The following GLT6D1 variants were observed in gnomAD, a reference collection of about 807,000 sequenced individuals.
The protein encoded by GLT6D1 is putative glycosyltransferase 6 domain-containing protein 1.
In GLT6D1, 9 loss-of-function variants were observed where a neutral mutation model predicts 12.3. The observed-to-expected ratio is 0.73, with a 90% CI of 0.44 to 1.27. The LOEUF (loss-of-function observed/expected upper bound fraction) is 1.27, where lower values mean the gene tolerates loss of function less well. GLT6D1 is among the 50% of genes most tolerant of loss of function. The pLI is 0.00. For missense variants in GLT6D1, 335 were observed against 346.2 expected, an observed-to-expected ratio of 0.97 and a Z score of 0.26; for synonymous variants, 128 against 132.3, an observed-to-expected ratio of 0.97 and a Z score of 0.23.
upstream of GLT6D1, among the ~76,000 whole-genome samples, chr9:135,640,706 C>T (rs1189661575): frequency 6.7e-6 from 1 of 149,320 alleles, no homozygotes; most frequent in Non-Finnish European, 1.5e-5. Context: ...GGTGACAGAG[C>T]AAGACTCCAT....
chr9:135,629,794 G>A (rs1833596425), intron 3 of GLT6D1, among the ~76,000 whole-genome samples: 1 of 152,028 alleles, frequency 6.6e-6, no homozygotes, highest in East Asian at 1.9e-4. Flanking sequence ...TTATATATTT[G>A]ATGTATCTTA....
chr9:135,639,856 T>C (rs1833856250), upstream of GLT6D1, among the ~76,000 whole-genome samples: 1 of 151,608 alleles, frequency 6.6e-6, no homozygotes, highest in South Asian at 2.1e-4. Context: ...TTTTTTTTTT[T>C]TTTTTGAGAT....
chr9:135,636,933 A>G (rs1833788802), intron 2 of GLT6D1, among the ~76,000 whole-genome samples: 2 of 151,860 alleles, frequency 1.3e-5, no homozygotes, highest in Admixed American at 6.6e-5. Flanking sequence ...GCTCACCGCA[A>G]CCTCTGCCTC....
At chr9:135,637,623 T>C (rs1193548795) in intron 2 of GLT6D1, among the ~76,000 whole-genome samples, 1 of 152,186 alleles carries the variant, frequency 6.6e-6, no homozygotes, top group African/African-American at 2.4e-5. Context: ...CTTGTTTTCG[T>C]TGCAATTTCC....
At chr9:135,637,656 T>C (rs1187424953) in intron 2 of GLT6D1, among the ~76,000 whole-genome samples, 3 of 152,220 alleles carry the variant, frequency 2.0e-5, no homozygotes, top group Admixed American at 2.0e-4. Context: ...AGACTGAGCA[T>C]CTTGGCGTTC....
At chr9:135,638,677 T>C (rs1833831521) in intron 2 of GLT6D1, among the ~76,000 whole-genome samples, 1 of 152,182 alleles carries the variant, frequency 6.6e-6, no homozygotes, top group South Asian at 2.1e-4. Flanking sequence ...GAATACAGCC[T>C]GGCACCTAGA....
chr9:135,624,160 A>G lies in GLT6D1; in HGVS notation c.768T>C (p.Asn256=). The G allele has an allele frequency of 1.2e-6, 2 of 1,613,734 alleles. No individual in the cohort carries two copies. The highest frequency in any genetic ancestry group is 1.7e-6 in the Non-Finnish European group (2 of 1,179,890). The part of the protein sequence containing the change: ...YLNGVIHDIK[N]GLNSTYEKHL... ...GCTTTTCATAAGTGCTATTGAGTCC[A>G]TTTTTGATGTCATGAATAACTCCGT... Residue 256 remains asparagine (N), a synonymous_variant, in exon 5 of 5, where the codon AAT becomes AAC. Coordinates refer to ENST00000371763, the MANE Select transcript of GLT6D1 (RefSeq NM_182974.3).
intron 2 of GLT6D1, 102 bp downstream of exon 2, chr9:135,639,015 G>C: frequency 1.5e-6 from 1 of 665,832 alleles, no homozygotes; most frequent in South Asian, 2.1e-5. Context: ...CTGGGCAACA[G>C]AGTAAGACCC....
intron 3 of GLT6D1, among the ~76,000 whole-genome samples, chr9:135,630,980 TA>T (rs11414887): frequency 2.6e-4 from 39 of 147,760 alleles, no homozygotes; most frequent in African/African-American, 4.7e-4. Context: ...TATATCTGTG[TA>T]AAAAAAAAAA....
At chr9:135,629,367 T>G (rs1244573604) in intron 3 of GLT6D1, among the ~76,000 whole-genome samples, 1 of 152,216 alleles carries the variant, frequency 6.6e-6, no homozygotes, top group East Asian at 1.9e-4. Context: ...TGATTCTTTT[T>G]TGATTATTTA....
intron 2 of GLT6D1, among the ~76,000 whole-genome samples, chr9:135,636,866 T>TG (rs1198682214): frequency 6.6e-6 from 1 of 152,136 alleles, no homozygotes; most frequent in Non-Finnish European, 1.5e-5. Context: ...TTCTTTTTTT[T>TG]GGGGGGATGG....
chr9:135,631,461 T>C lies in GLT6D1; in HGVS notation c.89A>G (p.Glu30Gly). The change falls in exon 3 of 5, where the codon GAA becomes GGA. Residue 30 changes from glutamate to glycine, a missense_variant. Physicochemically the swap from Glu to Gly is moderately conservative, Grantham distance 98. Coordinates refer to ENST00000371763, the MANE Select transcript of GLT6D1 (RefSeq NM_182974.3). ...ERYFRNHQVE[E>G]LRLSDWFHPR... is the part of the protein sequence containing the mutation. ...ATGAAACCAGTCTGAGAGCCGAAGT[T>C]CTTCTACTTGGTGATTCCTGGATAC... 1 of 1,605,488 alleles carries C rather than the reference T, an allele frequency of 6.2e-7. No homozygotes were observed. Among genetic ancestry groups the C allele is most frequent in the Non-Finnish European group, 8.5e-7 (1 of 1,177,502 alleles).
At chr9:135,634,076 C>G (rs1334991720) in intron 2 of GLT6D1, among the ~76,000 whole-genome samples, 2 of 152,160 alleles carry the variant, frequency 1.3e-5, no homozygotes, top group African/African-American at 4.8e-5. Context: ...AGGTACAATC[C>G]TCCAGGAGGA....
At chr9:135,631,333 A>C in intron 3 of GLT6D1, 98 bp downstream of exon 3, 2 of 937,462 alleles carry the variant, frequency 2.1e-6, no homozygotes, top group East Asian at 2.4e-5. Flanking sequence ...GAAACGTCCC[A>C]GGAGAGCTGA....
intron 3 of GLT6D1, 86 bp downstream of exon 3, chr9:135,631,345 T>C: frequency 9.4e-7 from 1 of 1,065,412 alleles, no homozygotes; most frequent in Non-Finnish European, 1.5e-6. Context: ...GAGAGCTGAA[T>C]TTGGTGACTG....
At chr9:135,634,249 C>T (rs996714191) in intron 2 of GLT6D1, among the ~76,000 whole-genome samples, 1 of 152,116 alleles carries the variant, frequency 6.6e-6, no homozygotes, top group African/African-American at 2.4e-5. Flanking sequence ...CTGCCTCAGA[C>T]TCCCAAGTAG....
In GLT6D1 at chr9:135,624,685, G is replaced by C. The variant is rs7466817; in HGVS notation, c.258-15C>G. 950,257 of 1,413,744 alleles carry C rather than the reference G, an allele frequency of 0.67. 320,043 individuals carry two copies. The highest frequency in any genetic ancestry group is 0.84 in the East Asian group (32,491 of 38,750). The allele number at this position is 1,413,744 out of a possible 1,614,324, so 87.6% of individuals were successfully genotyped here. On this transcript the variant is annotated splice_polypyrimidine_tract_variant and intron_variant, in intron 4 of 4. Coordinates refer to ENST00000371763, the MANE Select transcript of GLT6D1 (RefSeq NM_182974.3). ...CCTCTGCAAACCTAGGAAACACACA[G>C]TGGGGAAGAAACTTACTTTTCTCTT...
intron 1 of GLT6D1, 28 bp downstream of exon 1, chr9:135,639,265 G>T (rs928268227): frequency 1.7e-5 from 14 of 839,094 alleles, no homozygotes; most frequent in Non-Finnish European, 2.7e-5. Context: ...TCTAACAATG[G>T]GTTAATGTAT....
chr9:135,639,361 T>A lies in GLT6D1; in HGVS notation c.-75A>T. ...ACTTGAGTTAGGGAAGCCTCTGTTC[T>A]CCTTCAAGTGCCCGGGGCTGACTGT... is the stretch of plus-strand genomic sequence containing the variant. On this transcript the variant is annotated 5_prime_UTR_variant, in exon 1 of 5. Coordinates refer to ENST00000371763, the MANE Select transcript of GLT6D1 (RefSeq NM_182974.3). 1.9e-6 allele frequency: 1 copy of A among 513,714 alleles called. No individual in the cohort carries two copies. Among genetic ancestry groups the A allele is most frequent in the South Asian group, 2.6e-5 (1 of 39,132 alleles). 31.8% of individuals were successfully genotyped at this position (513,714 alleles called of 1,614,324 possible). A position where few individuals can be genotyped will look rare whatever the true frequency, so the allele number is the denominator to read the frequency against.
Sources: gnomAD v4.1 joint callset for allele counts (sites outside exome capture counted in the v4.1 genomes callset) on GRCh38, gnomAD v4.1.1 for gene constraint, MANE v1.5 for transcripts, NCBI Gene and HGNC (gene_info 2026-07-23, HGNC 2026-07-21) for gene names.